TGFBR3: variants seen among roughly 807,000 people sequenced by gnomAD.
The protein encoded by TGFBR3 is transforming growth factor beta receptor 3, also known as transforming growth factor beta receptor type 3.
Under a neutral mutation model 87.9 loss-of-function variants are expected in TGFBR3, and 46 were observed. That is an observed-to-expected ratio of 0.52 (90% confidence interval 0.41 to 0.67). The LOEUF is 0.67. Ranked by LOEUF, TGFBR3 falls within the 30% of genes least tolerant of loss-of-function variation. TGFBR3 has a pLI of 0.00. For missense variants in TGFBR3, 866 were observed against 1,041.9 expected (o/e 0.83, Z 2.32); for synonymous variants, 381 against 391.6 (o/e 0.97, Z 0.32).
At chr1:91,779,950 G>A (rs1396701870) in intron 3 of TGFBR3, among the ~76,000 whole-genome samples, 5 of 152,106 alleles carry the variant, frequency 3.3e-5, no homozygotes, top group East Asian at 1.9e-4. Flanking sequence ...TCAGGTTCTC[G>A]TGGCTGCTGG....
At chr1:91,780,062 A>C (rs1331024028) in intron 3 of TGFBR3, among the ~76,000 whole-genome samples, 1 of 152,190 alleles carries the variant, frequency 6.6e-6, no homozygotes, top group Non-Finnish European at 1.5e-5. Context: ...ATAAGGATAC[A>C]TGTGACTGTA....
chr1:91,693,557 G>C (rs921881049), intron 16 of TGFBR3, among the ~76,000 whole-genome samples: 1 of 152,136 alleles, frequency 6.6e-6, no homozygotes, highest in African/African-American at 2.4e-5. Context: ...TAACAGTCTG[G>C]ATTATTGGGG....
At chr1:91,836,825 C>A (rs577170697) in intron 2 of TGFBR3, among the ~76,000 whole-genome samples, 19 of 152,224 alleles carry the variant, frequency 1.2e-4, no homozygotes, top group African/African-American at 4.1e-4. Context: ...AACACATACA[C>A]GCTGCATTAG....
At chr1:91,875,170 C>T (rs944776263) in intron 1 of TGFBR3, among the ~76,000 whole-genome samples, 3 of 151,872 alleles carry the variant, frequency 2.0e-5, no homozygotes, top group South Asian at 2.1e-4. Flanking sequence ...GGGAATCTGC[C>T]GAAGGAAAAA....
intron 2 of TGFBR3, among the ~76,000 whole-genome samples, chr1:91,821,719 T>C (rs1396018409): frequency 6.6e-6 from 1 of 152,158 alleles, no homozygotes; most frequent in Non-Finnish European, 1.5e-5. Flanking sequence ...TAGGATGCTG[T>C]AGAGAAAAGA....
chr1:91,811,835 C>T (rs138477145), intron 2 of TGFBR3, among the ~76,000 whole-genome samples: 1 of 151,130 alleles, frequency 6.6e-6, no homozygotes, highest in East Asian at 1.9e-4. Context: ...CTGTATCTGA[C>T]AAAGCAACCT....
chr1:91,696,108 T>C (rs1266187485), intron 15 of TGFBR3, among the ~76,000 whole-genome samples: 1 of 152,182 alleles, frequency 6.6e-6, no homozygotes, highest in Non-Finnish European at 1.5e-5. Flanking sequence ...GAATGGAGGG[T>C]AGCTTGAAAA....
At chr1:91,775,698 A>C (rs1221363563) in intron 3 of TGFBR3, among the ~76,000 whole-genome samples, 1 of 152,248 alleles carries the variant, frequency 6.6e-6, no homozygotes, top group Non-Finnish European at 1.5e-5. Flanking sequence ...CACTGCCAGC[A>C]AAACAAAAAT....
At chr1:91,802,260 C>T (rs1172540757) in intron 2 of TGFBR3, among the ~76,000 whole-genome samples, 5 of 152,170 alleles carry the variant, frequency 3.3e-5, no homozygotes, top group Non-Finnish European at 7.3e-5. Flanking sequence ...GTGCACTATC[C>T]TTTTTCCATA....
intron 4 of TGFBR3, among the ~76,000 whole-genome samples, chr1:91,753,640 A>G (rs1452149070): frequency 1.3e-5 from 2 of 152,066 alleles, no homozygotes; most frequent in Non-Finnish European, 2.9e-5. Context: ...GCAATTACTA[A>G]TCTACTTTCT....
At chr1:91,786,084 T>C (rs1337192767) in intron 3 of TGFBR3, 1 of 410,006 alleles carries the variant, frequency 2.4e-6, no homozygotes, top group Non-Finnish European at 4.8e-6. Context: ...TTTTAAAATA[T>C]ATTAGTCATA....
chr1:91,809,678 T>C (rs1326629243), intron 2 of TGFBR3, among the ~76,000 whole-genome samples: 2 of 152,182 alleles, frequency 1.3e-5, no homozygotes, highest in Admixed American at 6.5e-5. Context: ...GCACTCACAA[T>C]TGGTTACAGG....
At chr1:91,857,262 T>C (rs1450425382) in intron 2 of TGFBR3, among the ~76,000 whole-genome samples, 1 of 152,160 alleles carries the variant, frequency 6.6e-6, no homozygotes, top group Non-Finnish European at 1.5e-5. Context: ...AGCCTCATTA[T>C]GATATTTAAG....
intron 1 of TGFBR3, among the ~76,000 whole-genome samples, chr1:91,879,381 C>T (rs1678985591): frequency 6.6e-6 from 1 of 152,044 alleles, no homozygotes; most frequent in South Asian, 2.1e-4. Context: ...AAAGAACCAC[C>T]ACCACAAAAA....
At chr1:91,895,918 C>T (rs902036142) in intron 2 of TGFBR3, among the ~76,000 whole-genome samples, 1 of 152,180 alleles carries the variant, frequency 6.6e-6, no homozygotes, top group Non-Finnish European at 1.5e-5. Context: ...AACCCCACAA[C>T]CAGTCTGCCA....
Position 91,813,893 on chromosome 1 carries a change from A to G in TGFBR3, c.62-16422T>C, listed in dbSNP as rs140689642. Reference sequence around the variant, plus strand: ...AGGCATTCGTGAGATTCTCATAAGGAGCAGGCAACCTAGATCCTTCATATG... The same window carrying G: ...AGGCATTCGTGAGATTCTCATAAGGGGCAGGCAACCTAGATCCTTCATATG... On this transcript the variant is annotated intron_variant, in intron 2 of 16. Coordinates refer to ENST00000212355, the MANE Select transcript of TGFBR3 (RefSeq NM_003243.5). Among the ~76,000 whole-genome samples the G allele has an allele frequency of 2.9e-3, 440 of 152,288 alleles. 3 individuals are homozygous for G. The highest frequency in any genetic ancestry group is 9.9e-3 in the African/African-American group (413 of 41,570).
At chr1:91,855,937 T>C (rs1386577905) in intron 2 of TGFBR3, among the ~76,000 whole-genome samples, 1 of 151,918 alleles carries the variant, frequency 6.6e-6, no homozygotes, top group Non-Finnish European at 1.5e-5. Flanking sequence ...GTAAATCACC[T>C]AAGCTAATTT....
intron 14 of TGFBR3, among the ~76,000 whole-genome samples, chr1:91,706,115 C>T (rs952083413): frequency 3.9e-5 from 6 of 152,112 alleles, no homozygotes; most frequent in African/African-American, 7.2e-5. Flanking sequence ...AAAATAGTTA[C>T]GAGTAACAGA....
intron 7 of TGFBR3, among the ~76,000 whole-genome samples, chr1:91,725,446 ATTATC>A (rs2100797433): frequency 6.6e-6 from 1 of 152,324 alleles, no homozygotes; most frequent in Non-Finnish European, 1.5e-5. Flanking sequence ...CTAGGCATAT[ATTATC>A]TTATTTCTCT....
Sources: allele counts gnomAD v4.1 joint callset (sites outside exome capture counted in the v4.1 genomes callset), GRCh38; gene constraint gnomAD v4.1.1; transcripts MANE v1.5; gene names NCBI Gene and HGNC (gene_info 2026-07-23, HGNC 2026-07-21).